The following ROR1 variants were observed in gnomAD, a reference collection of about 807,000 sequenced individuals.
The protein encoded by ROR1 is inactive tyrosine-protein kinase transmembrane receptor ROR1.
A neutral mutation model predicts 78.8 loss-of-function variants in ROR1; 19 were observed. That is an observed-to-expected ratio of 0.24 (90% confidence interval 0.17 to 0.35). ROR1 has a LOEUF of 0.35. Ranked by LOEUF, ROR1 falls within the 10% of genes least tolerant of loss-of-function variation. The probability of loss-of-function intolerance (pLI) is 1.00; values close to 1 mark genes in which losing one functional copy is unlikely to be tolerated. For synonymous variants in ROR1, 386 were observed against 433.6 expected (o/e 0.89, Z 1.36); for missense variants, 917 against 1,177.8 (o/e 0.78, Z 3.24).
chr1:63,972,680 T>C (rs1196552439), intron 1 of ROR1, among the ~76,000 whole-genome samples: 1 of 152,150 alleles, frequency 6.6e-6, no homozygotes, highest in African/African-American at 2.4e-5. Context: ...AAAAATGAGT[T>C]AAGAAGGTTG....
At chr1:63,881,978 G>A (rs1645325982) in intron 1 of ROR1, among the ~76,000 whole-genome samples, 1 of 152,078 alleles carries the variant, frequency 6.6e-6, no homozygotes, top group South Asian at 2.1e-4. Context: ...CTGAGAGACC[G>A]GCAGGCAGTT....
At chr1:64,024,820 G>T (rs930753002) in intron 2 of ROR1, among the ~76,000 whole-genome samples, 1 of 152,082 alleles carries the variant, frequency 6.6e-6, no homozygotes, top group Non-Finnish European at 1.5e-5. Flanking sequence ...CAAAAAAATG[G>T]TATGTCATTG....
chr1:64,016,905 C>T (rs1570064410), intron 2 of ROR1, among the ~76,000 whole-genome samples: 1 of 151,306 alleles, frequency 6.6e-6, no homozygotes, highest in East Asian at 1.9e-4. Flanking sequence ...AGGCGAAAAA[C>T]ACATAGGGAT....
At chr1:63,812,210 T>C (rs1644864289) in intron 1 of ROR1, among the ~76,000 whole-genome samples, 1 of 152,186 alleles carries the variant, frequency 6.6e-6, no homozygotes, top group South Asian at 2.1e-4. Flanking sequence ...TCTGTCCGCC[T>C]CAGCTTCCCA....
chr1:64,130,177 C>T (rs1191461741), intron 4 of ROR1, among the ~76,000 whole-genome samples: 1 of 152,076 alleles, frequency 6.6e-6, no homozygotes, highest in Non-Finnish European at 1.5e-5. Flanking sequence ...CTTACAAAGG[C>T]ATTCCAATAA....
chr1:63,905,683 T>C (rs1215934562), intron 1 of ROR1, among the ~76,000 whole-genome samples: 1 of 152,210 alleles, frequency 6.6e-6, no homozygotes, highest in Non-Finnish European at 1.5e-5. Context: ...GTAATAGACA[T>C]GCACCATCAT....
chr1:63,918,363 T>C (rs529257545), intron 1 of ROR1, among the ~76,000 whole-genome samples: 1 of 152,326 alleles, frequency 6.6e-6, no homozygotes, highest in East Asian at 1.9e-4. Context: ...GATCTCCACC[T>C]TATAGATGAA....
intron 1 of ROR1, among the ~76,000 whole-genome samples, chr1:63,898,678 CAG>C (rs1291773594): frequency 2.0e-5 from 3 of 151,522 alleles, no homozygotes; most frequent in Non-Finnish European, 4.4e-5. Flanking sequence ...AGAGGAAGAA[CAG>C]GGAATGAAGT....
In ROR1 at chr1:64,141,505, CAA is replaced by C. The variant is rs1478181011; in HGVS notation, c.929-899_929-898del. 2.0e-5 allele frequency among the ~76,000 whole-genome samples: 3 copies of C among 152,138 alleles called. No homozygotes were observed. The East Asian group carries it at 5.8e-4, about 29-fold the overall frequency. The stretch of plus-strand genomic sequence containing the variant: ...GTCACCTCCCACCAGGCCCCACCTC[CAA>C]CCCTGGGGATTGCAATTCAACATGA... On this transcript the variant is annotated intron_variant, in intron 6 of 8. Transcript: ENST00000371079.
intron 5 of ROR1, 44 bp downstream of exon 5, chr1:64,137,540 T>C: frequency 6.3e-7 from 1 of 1,587,100 alleles, no homozygotes; most frequent in East Asian, 2.3e-5. Context: ...TGAATAACTA[T>C]TTTTCTCGCC....
intron 4 of ROR1, among the ~76,000 whole-genome samples, chr1:64,056,354 A>AATAT (rs140408209): frequency 2.0e-5 from 3 of 148,312 alleles, no homozygotes; most frequent in Non-Finnish European, 4.5e-5. Context: ...TTATTTAAAA[A>AATAT]TTATTTATTT....
chr1:64,087,075 C>G (rs1400289791), intron 4 of ROR1, among the ~76,000 whole-genome samples: 2 of 152,058 alleles, frequency 1.3e-5, no homozygotes, highest in Non-Finnish European at 2.9e-5. Context: ...ATCAAAAGAC[C>G]CTATGATATG....
chr1:64,180,050 T>C lies in ROR1; in HGVS notation c.*1195T>C, dbSNP rs1236516996. 2.0e-5 allele frequency: 3 copies of C among 152,192 alleles called. No individual in the cohort carries two copies. Among genetic ancestry groups the C allele is most frequent in the African/African-American group, 7.2e-5 (3 of 41,460 alleles). The allele number at this position is 152,192 out of a possible 1,614,324, so 9.4% of individuals were successfully genotyped here. ...ATTTTGCAAAATATGATGGTCTTCC[T>C]AAAAAACAAGTACTGAGTTCTCATT... On this transcript the variant is annotated 3_prime_UTR_variant, in exon 9 of 9. Coordinates refer to ENST00000371079, the MANE Select transcript of ROR1 (RefSeq NM_005012.4).
intron 4 of ROR1, among the ~76,000 whole-genome samples, chr1:64,120,778 C>T (rs527350117): frequency 3.3e-5 from 5 of 152,272 alleles, no homozygotes; most frequent in Middle Eastern, 3.4e-3. Flanking sequence ...TAGTCTACCT[C>T]CCAGTATTAT....
chr1:63,901,390 T>C lies in ROR1; in HGVS notation c.92-107915T>C, dbSNP rs560102125. 3.5e-4 allele frequency among the ~76,000 whole-genome samples: 53 copies of C among 152,310 alleles called. No homozygotes were observed. In the Middle Eastern group the frequency reaches 0.017, roughly 49 times the overall value. On this transcript the variant is annotated intron_variant, in intron 1 of 8. Transcript: ENST00000371079. ...GTCCGGTTCCCCATTATCCCCAGTT[T>C]ACACACTTTCACTAAGTCAAGATTC...
At position 64,104,068 on chromosome 1, in the gene ROR1, A is replaced by G. The variant is rs1647683922; in HGVS notation, c.483-33301A>G. The stretch of plus-strand genomic sequence containing the variant: ...AACAACTCTCCAGCCCCAAACGTCA[A>G]TAGCGCTGAGATTGAGAAACTCTGC... On this transcript the variant is annotated intron_variant, in intron 4 of 8. Coordinates refer to ENST00000371079, the MANE Select transcript of ROR1 (RefSeq NM_005012.4). 2.0e-5 allele frequency among the ~76,000 whole-genome samples: 3 copies of G among 152,156 alleles called. No individual in the cohort carries two copies. In the South Asian group the frequency reaches 6.2e-4, roughly 32 times the overall value.
intron 1 of ROR1, among the ~76,000 whole-genome samples, chr1:63,927,667 T>C (rs1201669952): frequency 4.6e-5 from 7 of 152,076 alleles, no homozygotes; most frequent in Non-Finnish European, 1.0e-4. Context: ...ATAAGGTGAA[T>C]TGTTCATATT....
chr1:64,133,431 G>A (rs1230556211), intron 4 of ROR1, among the ~76,000 whole-genome samples: 2 of 152,156 alleles, frequency 1.3e-5, no homozygotes, highest in Non-Finnish European at 2.9e-5. Context: ...ACTGTTCCAC[G>A]ATCCCTCTTA....
intron 4 of ROR1, among the ~76,000 whole-genome samples, chr1:64,120,764 T>C (rs953295415): frequency 6.6e-6 from 1 of 152,194 alleles, no homozygotes; most frequent in African/African-American, 2.4e-5. Flanking sequence ...CCTTTATTTG[T>C]TTATAGTCTA....
Sources: gnomAD v4.1 joint callset for allele counts (sites outside exome capture counted in the v4.1 genomes callset) on GRCh38, gnomAD v4.1.1 for gene constraint, MANE v1.5 for transcripts, NCBI Gene and HGNC (gene_info 2026-07-23, HGNC 2026-07-21) for gene names.